The following NAPB variants were observed in gnomAD, a reference collection of about 807,000 sequenced individuals.
NAPB encodes NSF attachment protein beta.
NAPB carries 26 observed loss-of-function variants against 44.7 expected under a neutral mutation model. That is an observed-to-expected ratio of 0.58 (90% CI 0.43 to 0.81). The LOEUF is 0.81. NAPB is among the 30% of genes least tolerant of loss of function. The pLI is 0.00. For missense variants in NAPB, 315 were observed against 356.4 expected (o/e 0.88, Z 0.94); for synonymous variants, 120 against 116.8 (o/e 1.03, Z -0.18).
rs966307214 is a variant in NAPB, at chr20:23,403,146, A to G, written c.99-74T>C. On this transcript the variant is annotated intron_variant, in intron 1 of 10. Coordinates refer to ENST00000377026, the MANE Select transcript of NAPB (RefSeq NM_022080.3). Reference sequence around the variant, plus strand: ...ATTCTCCCTCCCTCAAATGATTAACATTTAGTATATACTTGCTATGTGCCA... The same window carrying G: ...ATTCTCCCTCCCTCAAATGATTAACGTTTAGTATATACTTGCTATGTGCCA... 9.6e-6 allele frequency: 10 copies of G among 1,046,440 alleles called. No individual in the cohort carries two copies. The African/African-American group carries it at 1.4e-4, about 15-fold the overall frequency. 64.8% of individuals were successfully genotyped at this position (1,046,440 alleles called of 1,614,324 possible).
rs1460681819 is a variant in NAPB, at chr20:23,389,947, T to A, written c.560A>T (p.Gln187Leu). 1.9e-6 allele frequency: 3 copies of A among 1,613,622 alleles called. No individual in the cohort carries two copies. The East Asian group carries it at 6.7e-5, about 36-fold the overall frequency. The change falls in exon 7 of 11, where the codon CAG becomes CTG. Residue 187 changes from glutamine to leucine, a missense_variant and splice_region_variant. Coordinates refer to ENST00000377026, the MANE Select transcript of NAPB (RefSeq NM_022080.3). ...QYQKAIEIYE[Q>L]VGANTMDNPL... The stretch of plus-strand genomic sequence containing the variant: ...CCAAGGAAACAACAGTATCCTCACC[T>A]GCTCATAGATCTCAATGGCTTTCTG...
chr20:23,414,265 T>G (rs370793971), intron 1 of NAPB, among the ~76,000 whole-genome samples: 9 of 152,258 alleles, frequency 5.9e-5, no homozygotes, highest in East Asian at 5.8e-4. Context: ...GAGGTTGCAG[T>G]GAGTAATGAG....
At chr20:23,395,284 G>T in intron 3 of NAPB, 99 bp from the exon 4 acceptor site, 1 of 1,311,452 alleles carries the variant, frequency 7.6e-7, no homozygotes, top group Non-Finnish European at 1.1e-6. Flanking sequence ...ACGTTAATGA[G>T]GTATAATTTT....
At chr20:23,382,934 C>T (rs1983142017) in intron 7 of NAPB, among the ~76,000 whole-genome samples, 1 of 152,094 alleles carries the variant, frequency 6.6e-6, no homozygotes, top group Non-Finnish European at 1.5e-5. Context: ...GCAGGCGAAC[C>T]ACTTGAGGTC....
chr20:23,379,783 A>G, intron 9 of NAPB, 84 bp downstream of exon 9: 2 of 993,112 alleles, frequency 2.0e-6, no homozygotes, highest in Non-Finnish European at 3.1e-6. Flanking sequence ...ATAGATTAAA[A>G]CTTCACTTCA....
chr20:23,414,810 G>C (rs1398373869), intron 1 of NAPB, among the ~76,000 whole-genome samples: 1 of 152,124 alleles, frequency 6.6e-6, no homozygotes, highest in Non-Finnish European at 1.5e-5. Flanking sequence ...TCTGTAACTA[G>C]GGTGATTCTG....
At chr20:23,418,094 C>A (rs745769695) in intron 1 of NAPB, among the ~76,000 whole-genome samples, 1 of 152,138 alleles carries the variant, frequency 6.6e-6, no homozygotes, top group Non-Finnish European at 1.5e-5. Context: ...CTGCAATATG[C>A]CAAGCAGCTT....
At chr20:23,382,448 AAAAG>A (rs1983091972) in intron 7 of NAPB, among the ~76,000 whole-genome samples, 1 of 152,226 alleles carries the variant, frequency 6.6e-6, no homozygotes, top group Admixed American at 6.5e-5. Context: ...GCTAAATGAA[AAAAG>A]ACCATTAACA....
At chr20:23,405,621 G>C (rs60394866) in intron 1 of NAPB, among the ~76,000 whole-genome samples, 3,057 of 152,186 alleles carry the variant, frequency 0.02, 82 homozygotes, top group African/African-American at 0.07. Flanking sequence ...CTACACAGGA[G>C]GCTGAGGCAG....
intron 1 of NAPB, among the ~76,000 whole-genome samples, chr20:23,420,107 G>A (rs1986278421): frequency 6.6e-6 from 1 of 152,144 alleles, no homozygotes; most frequent in South Asian, 2.1e-4. Context: ...AACGAAACAG[G>A]CACACACAAA....
chr20:23,387,452 T>C lies in NAPB; in HGVS notation c.561+2494A>G, dbSNP rs547694804. ...TGCAGAGGAAGAAGTAAAACTATTG[T>C]TATTTGCAGATAACATGATTTTGGA... On this transcript the variant is annotated intron_variant, in intron 7 of 10. Coordinates refer to ENST00000377026, the MANE Select transcript of NAPB (RefSeq NM_022080.3). 8.5e-4 allele frequency among the ~76,000 whole-genome samples: 129 copies of C among 152,132 alleles called. 1 individual carries two copies. Among genetic ancestry groups the C allele is most frequent in the African/African-American group, 3.0e-3 (124 of 41,518 alleles).
At position 23,375,355 on chromosome 20, in the gene NAPB, A is replaced by G. The variant is rs1311890436; in HGVS notation, c.*2021T>C. 6.6e-6 allele frequency: 1 copy of G among 152,198 alleles called. No homozygotes were observed. Among genetic ancestry groups the G allele is most frequent in the African/African-American group, 2.4e-5 (1 of 41,446 alleles). The allele number at this position is 152,198 out of a possible 1,614,324, so 9.4% of individuals were successfully genotyped here. ...TGAAAGCTAAACATAATTGCCCGAA[A>G]ATAAATCATGTAGTTTTTACTTTAA... On this transcript the variant is annotated 3_prime_UTR_variant, in exon 11 of 11. Transcript: ENST00000377026.
chr20:23,419,033 T>C (rs1304707193), intron 1 of NAPB, among the ~76,000 whole-genome samples: 1 of 152,242 alleles, frequency 6.6e-6, no homozygotes, highest in Non-Finnish European at 1.5e-5. Context: ...GATAAATAAC[T>C]GGAGCTGATA....
At chr20:23,417,620 A>G (rs999233019) in intron 1 of NAPB, among the ~76,000 whole-genome samples, 2 of 152,218 alleles carry the variant, frequency 1.3e-5, no homozygotes, top group Non-Finnish European at 2.9e-5. Flanking sequence ...AAACTAAAGG[A>G]CAAGACAACT....
chr20:23,388,978 A>C (rs552168087), intron 7 of NAPB, among the ~76,000 whole-genome samples: 2 of 152,174 alleles, frequency 1.3e-5, no homozygotes, highest in African/African-American at 4.8e-5. Flanking sequence ...ACAGAATGAG[A>C]GTAAATACTT....
At chr20:23,412,744 C>G (rs1402947613) in intron 1 of NAPB, among the ~76,000 whole-genome samples, 1 of 152,162 alleles carries the variant, frequency 6.6e-6, no homozygotes, top group Non-Finnish European at 1.5e-5. Context: ...GATTACAATC[C>G]CAGCACTTTG....
rs561794324 is a variant in NAPB, at chr20:23,378,339, A to AT, written c.787-854dup. On this transcript the variant is annotated intron_variant, in intron 10 of 10. Coordinates refer to ENST00000377026, the MANE Select transcript of NAPB (RefSeq NM_022080.3). ...GATCTGTTTCAAAATATATAAAAACATTTTTTTTTGCTTGATTCTAAACAT... is the reference window on the plus strand; with the variant it reads ...GATCTGTTTCAAAATATATAAAAACATTTTTTTTTTGCTTGATTCTAAACAT... Among the ~76,000 whole-genome samples the AT allele has an allele frequency of 6.0e-5, 9 of 149,470 alleles. No individual in the cohort carries two copies. The South Asian group carries it at 6.4e-4, about 11-fold the overall frequency.
At chr20:23,412,752 T>C (rs1187797345) in intron 1 of NAPB, among the ~76,000 whole-genome samples, 5 of 152,182 alleles carry the variant, frequency 3.3e-5, no homozygotes, top group Non-Finnish European at 7.3e-5. Context: ...TCCCAGCACT[T>C]TGGGAGGCCA....
At chr20:23,402,943 A>G in intron 2 of NAPB, 50 bp downstream of exon 2, 2 of 1,419,598 alleles carry the variant, frequency 1.4e-6, no homozygotes, top group East Asian at 4.6e-5. Flanking sequence ...CTCCCTTCAA[A>G]GTGATTTTAA....
Sources: gnomAD v4.1 joint callset for allele counts (sites outside exome capture counted in the v4.1 genomes callset) on GRCh38, gnomAD v4.1.1 for gene constraint, MANE v1.5 for transcripts, NCBI Gene and HGNC (gene_info 2026-07-23, HGNC 2026-07-21) for gene names.